Variants in NIPBL observed in about 807,000 individuals in gnomAD.
NIPBL encodes NIPBL cohesin loading factor.
A neutral mutation model predicts 321.8 loss-of-function variants in NIPBL; 19 were observed. The ratio of observed to expected loss-of-function variants is 0.06; its 90% CI spans 0.04 to 0.09. NIPBL has a LOEUF of 0.09. Ranked by LOEUF, NIPBL falls within the 10% of genes least tolerant of loss-of-function variation. The probability of loss-of-function intolerance (pLI) is 1.00; values close to 1 mark genes in which losing one functional copy is unlikely to be tolerated. For missense variants in NIPBL, 2,210 were observed against 3,327.0 expected (o/e 0.66, Z 8.26); for synonymous variants, 1,106 against 1,114.1 (o/e 0.99, Z 0.14).
At chr5:37,002,029 C>T (rs1192338675) in intron 14 of NIPBL, among the ~76,000 whole-genome samples, 1 of 152,010 alleles carries the variant, frequency 6.6e-6, no homozygotes, top group Non-Finnish European at 1.5e-5. Context: ...AGGGCACTCT[C>T]AAAATAGGAT....
chr5:36,882,330 T>C (rs1745569768), intron 1 of NIPBL, among the ~76,000 whole-genome samples: 2 of 151,954 alleles, frequency 1.3e-5, no homozygotes. Context: ...TATTGAATGT[T>C]TCCATGTGAC....
At chr5:36,999,842 G>T (rs1307637459) in intron 11 of NIPBL, among the ~76,000 whole-genome samples, 2 of 152,162 alleles carry the variant, frequency 1.3e-5, no homozygotes, top group Admixed American at 1.3e-4. Flanking sequence ...TAGGTCACCA[G>T]GGCTTATGGA....
chr5:36,936,014 A>G (rs894532963), intron 1 of NIPBL, among the ~76,000 whole-genome samples: 2 of 152,124 alleles, frequency 1.3e-5, no homozygotes, highest in Non-Finnish European at 2.9e-5. Flanking sequence ...CTTTTTCCAA[A>G]TAAGGTGACA....
chr5:37,050,695 G>A (rs1753444683), intron 40 of NIPBL, among the ~76,000 whole-genome samples: 1 of 152,028 alleles, frequency 6.6e-6, no homozygotes, highest in South Asian at 2.1e-4. Context: ...TATTTTCTAA[G>A]AACAAGGACA....
At chr5:36,997,730 G>A (rs541399233) in intron 11 of NIPBL, among the ~76,000 whole-genome samples, 2 of 152,186 alleles carry the variant, frequency 1.3e-5, no homozygotes, top group African/African-American at 4.8e-5. Flanking sequence ...TGGAGGCACC[G>A]ATTTGAATGG....
Position 37,016,182 on chromosome 5 carries a change from G to A in NIPBL, c.4776+12G>A, listed in dbSNP as rs199632698. The A allele has an allele frequency of 2.5e-4, 403 of 1,612,628 alleles. 1 individual carries two copies. Among genetic ancestry groups the A allele is most frequent in the Non-Finnish European group, 3.2e-4 (375 of 1,178,760 alleles). ...TAGGGAGACTGTTGGTAAGAGTATA[G>A]CATTTAAAGATTATTAGATTACTAG... is the stretch of plus-strand genomic sequence containing the variant. On this transcript the variant is annotated intron_variant, in intron 23 of 46. Coordinates refer to ENST00000282516, the MANE Select transcript of NIPBL (RefSeq NM_133433.4).
rs1163626931 is a variant in NIPBL at position 37,058,944 on chromosome 5, T to G, written c.7464T>G (p.Asn2488Lys). 1 of 1,613,932 alleles carries G rather than the reference T, an allele frequency of 6.2e-7. No homozygotes were observed. The highest frequency in any genetic ancestry group is 8.5e-7 in the Non-Finnish European group (1 of 1,180,010). Residue 2488 changes from asparagine to lysine, a missense_variant, in exon 44 of 47, where the codon AAT (asparagine) becomes AAG (lysine). Asn to Lys is a moderately conservative substitution (Grantham distance 94). Around this residue, in one of 14 missense-constraint regions of NIPBL, gnomAD observed 79 missense variants for 90.8 expected, o/e 0.87. Transcript: ENST00000282516. Reference protein sequence around the residue: ...KERKSSPSKENESSDSEEEVS... With the variant: ...KERKSSPSKEKESSDSEEEVS... Reference sequence around the variant, plus strand: ...GAAAATCATCACCTAGTAAGGAAAATGAGTCAAGCGACAGTGAAGAAGAAG... The same window carrying G: ...GAAAATCATCACCTAGTAAGGAAAAGGAGTCAAGCGACAGTGAAGAAGAAG...
At position 37,064,733 on chromosome 5, in the gene NIPBL, G is replaced by C. The variant is rs1482359516; in HGVS notation, c.8256G>C (p.Lys2752Asn). The change falls in exon 47 of 47, where the codon AAG (lysine) becomes AAC (asparagine). Residue 2752 changes from lysine to asparagine, a missense_variant. Lys to Asn is a moderately conservative substitution (Grantham distance 94). Around this residue, in one of 14 missense-constraint regions of NIPBL, gnomAD observed 159 missense variants for 319.2 expected, o/e 0.50. Coordinates refer to ENST00000282516, the MANE Select transcript of NIPBL (RefSeq NM_133433.4). ...GSYSGSWTEA[K>N]RRDGRKLVPW... ...ACAGTGGCTCCTGGACTGAGGCTAA[G>C]CGCCGTGATGGCCGCAAACTGGTGC... 6.2e-7 allele frequency: 1 copy of C among 1,614,094 alleles called. No homozygotes were observed. The highest frequency in any genetic ancestry group is 1.3e-5 in the African/African-American group (1 of 74,940).
At chr5:37,019,468 A>G in intron 25 of NIPBL, 68 bp downstream of exon 25, 1 of 1,134,112 alleles carries the variant, frequency 8.8e-7, no homozygotes, top group Non-Finnish European at 1.3e-6. Flanking sequence ...GAAAATTGGG[A>G]GGTAGCATGA....
intron 32 of NIPBL, among the ~76,000 whole-genome samples, chr5:37,029,086 T>G (rs1750655096): frequency 1.3e-5 from 2 of 152,216 alleles, no homozygotes; most frequent in Non-Finnish European, 2.9e-5. Flanking sequence ...ATAGGTGGTG[T>G]TGAATATTAT....
chr5:36,910,590 G>A (rs145871159), intron 1 of NIPBL, among the ~76,000 whole-genome samples: 5 of 152,080 alleles, frequency 3.3e-5, no homozygotes, highest in African/African-American at 9.6e-5. Flanking sequence ...GTCTCTTTTC[G>A]GCTTAAGTAT....
chr5:37,041,252 G>GGTT, intron 34 of NIPBL, among the ~76,000 whole-genome samples: 2 of 63,998 alleles, frequency 3.1e-5, no homozygotes, highest in South Asian at 4.9e-4. Flanking sequence ...TTATGTGGTG[G>GGTT]TTTTTTTTTT....
intron 6 of NIPBL, 72 bp downstream of exon 6, chr5:36,962,346 ATATAAT>A: frequency 6.6e-7 from 1 of 1,515,224 alleles, no homozygotes; most frequent in Non-Finnish European, 9.2e-7. Flanking sequence ...GTTTTTTAAA[ATATAAT>A]TATTAAACAC....
intron 1 of NIPBL, among the ~76,000 whole-genome samples, chr5:36,884,830 G>T (rs999414698): frequency 3.3e-5 from 5 of 152,202 alleles, no homozygotes; most frequent in South Asian, 2.1e-4. Context: ...AGGGCTTCTT[G>T]CTTTGGGGGT....
At chr5:36,991,943 C>T (rs1456508253) in intron 10 of NIPBL, among the ~76,000 whole-genome samples, 1 of 151,976 alleles carries the variant, frequency 6.6e-6, no homozygotes, top group African/African-American at 2.4e-5. Flanking sequence ...TGTTAGTTAT[C>T]AAATCAATGA....
chr5:36,888,875 C>T (rs542311056), intron 1 of NIPBL, among the ~76,000 whole-genome samples: 5 of 152,084 alleles, frequency 3.3e-5, no homozygotes, highest in African/African-American at 9.6e-5. Context: ...GCATTTTCTT[C>T]GTTATATCTA....
chr5:36,948,340 A>T (rs1013094019), intron 1 of NIPBL, among the ~76,000 whole-genome samples: 1 of 151,924 alleles, frequency 6.6e-6, no homozygotes, highest in Non-Finnish European at 1.5e-5. Flanking sequence ...ACAGGTTTGA[A>T]TGAACTGTTA....
intron 30 of NIPBL, among the ~76,000 whole-genome samples, chr5:37,025,039 C>T (rs1750100429): frequency 6.6e-6 from 1 of 152,092 alleles, no homozygotes; most frequent in African/African-American, 2.4e-5. Flanking sequence ...GGAGATCAGC[C>T]TGGGCAACAT....
chr5:37,009,090 C>G (rs1354205260), intron 20 of NIPBL, among the ~76,000 whole-genome samples: 1 of 152,116 alleles, frequency 6.6e-6, no homozygotes, highest in African/African-American at 2.4e-5. Context: ...GTTGTGACAA[C>G]CAAAATTATT....
Sources: allele counts gnomAD v4.1 joint callset (sites outside exome capture counted in the v4.1 genomes callset), GRCh38; gene constraint gnomAD v4.1.1; regional missense constraint gnomAD v4.1.1; transcripts MANE v1.5; gene names NCBI Gene and HGNC (gene_info 2026-07-23, HGNC 2026-07-21).